The following RWDD1 variants were observed in gnomAD, a reference collection of about 807,000 sequenced individuals.
RWDD1 encodes RWD domain-containing protein 1.
RWDD1 carries 17 observed loss-of-function variants against 31.6 expected under a neutral mutation model. The ratio of observed to expected loss-of-function variants is 0.54; its 90% CI spans 0.37 to 0.81. The LOEUF is 0.81. Among genes scored for constraint, RWDD1 ranks in the 30% least tolerant of loss-of-function variants. RWDD1 has a pLI of 0.00. For synonymous variants in RWDD1, 78 were observed against 94.2 expected, an observed-to-expected ratio of 0.83 and a Z score of 0.99; for missense variants, 204 against 274.5, an observed-to-expected ratio of 0.74 and a Z score of 1.82.
intron 1 of RWDD1, among the ~76,000 whole-genome samples, chr6:116,578,200 A>G (rs1284461380): frequency 6.6e-6 from 1 of 152,228 alleles, no homozygotes; most frequent in Non-Finnish European, 1.5e-5. Context: ...GTGATAGTAT[A>G]TTTAATAGTT....
chr6:116,590,315 A>G lies in RWDD1; in HGVS notation c.458A>G (p.Asn153Ser). ...GTPVTIENFL[N>S]WKAKFDAELL... ...CCAGTTACAATTGAGAATTTCTTAA[A>G]TTGGAAAGCCAAGTTTGATGCAGAA... The change falls in exon 5 of 7, where the codon AAT becomes AGT. Residue 153 changes from asparagine to serine, a missense_variant. Asn to Ser is a conservative substitution (Grantham distance 46, BLOSUM62 1). Transcript: ENST00000466444. 1 of 1,598,422 alleles carries G rather than the reference A, an allele frequency of 6.3e-7. No homozygotes were observed. The highest frequency in any genetic ancestry group is 8.5e-7 in the Non-Finnish European group (1 of 1,174,868).
chr6:116,580,331 T>C lies in RWDD1; in HGVS notation c.110T>C (p.Val37Ala). Residue 37 changes from valine (V) to alanine (A), a missense_variant, in exon 2 of 7, where the codon GTG becomes GCG. Physicochemically the swap from Val to Ala is moderately conservative, Grantham distance 64. Transcript: ENST00000466444. ...SENPPSFTIT[V>A]TSEAGENDET... The stretch of plus-strand genomic sequence containing the variant: ...AATCCACCCAGCTTCACCATTACTG[T>C]GACGTCTGAGGCTGGAGAAAATGAT... 2 of 1,602,726 alleles carry C rather than the reference T, an allele frequency of 1.2e-6. No homozygotes were observed. Among genetic ancestry groups the C allele is most frequent in the Non-Finnish European group, 8.5e-7 (1 of 1,173,012 alleles).
At chr6:116,588,428 G>A (rs1775079659) in intron 3 of RWDD1, among the ~76,000 whole-genome samples, 1 of 151,938 alleles carries the variant, frequency 6.6e-6, no homozygotes, top group Admixed American at 6.6e-5. Flanking sequence ...AAGAAAAAAA[G>A]GTTGATATAG....
intron 4 of RWDD1, among the ~76,000 whole-genome samples, chr6:116,589,996 C>A (rs1775110088): frequency 6.6e-6 from 1 of 152,120 alleles, no homozygotes; most frequent in African/African-American, 2.4e-5. Flanking sequence ...TTCTTCTTAA[C>A]AATGAATAGC....
intron 1 of RWDD1, chr6:116,572,956 G>A: frequency 1.0e-6 from 1 of 985,552 alleles, no homozygotes; most frequent in Non-Finnish European, 1.2e-6. Context: ...GGGGATGAGT[G>A]AAGAGGGGTT....
intron 3 of RWDD1, among the ~76,000 whole-genome samples, chr6:116,585,757 C>T (rs564960785): frequency 5.3e-4 from 80 of 152,112 alleles, no homozygotes; most frequent in South Asian, 5.2e-3. Context: ...ACCTTGTTAC[C>T]TTGCATGAAG....
chr6:116,584,702 A>G (rs1775008393), intron 2 of RWDD1, 25 bp from the exon 3 acceptor site: 1 of 1,602,712 alleles, frequency 6.2e-7, no homozygotes, highest in Non-Finnish European at 8.5e-7. Flanking sequence ...AGGTATTCAC[A>G]TCAAACTCTT....
intron 2 of RWDD1, among the ~76,000 whole-genome samples, chr6:116,582,022 A>G (rs942415593): frequency 6.6e-6 from 1 of 152,024 alleles, no homozygotes; most frequent in African/African-American, 2.4e-5. Context: ...ATATATGAAT[A>G]TGTACATTTT....
rs986286663 is a variant in RWDD1 at position 116,573,059 on chromosome 6, C to T, written c.73+1404C>T. On this transcript the variant is annotated intron_variant, in intron 1 of 6. Transcript: ENST00000466444. The stretch of plus-strand genomic sequence containing the variant: ...GTATGTCTAAAATAGAATATAGGGT[C>T]AGTTGTTGGATATATTCTTAATCAT... 1.3e-5 allele frequency: 12 copies of T among 903,644 alleles called. No homozygotes were observed. In the South Asian group the frequency reaches 5.1e-4, roughly 38 times the overall value. The allele number at this position is 903,644 out of a possible 1,614,324, so 56.0% of individuals were successfully genotyped here.
At chr6:116,583,613 T>C (rs571656130) in intron 2 of RWDD1, among the ~76,000 whole-genome samples, 1 of 152,246 alleles carries the variant, frequency 6.6e-6, no homozygotes, top group Non-Finnish European at 1.5e-5. Context: ...TCACAATATA[T>C]ATGTATATCA....
intron 1 of RWDD1, 144 bp downstream of exon 1, chr6:116,571,799 C>T (rs1774742074): frequency 3.4e-6 from 2 of 581,394 alleles, no homozygotes; most frequent in Admixed American, 3.6e-5. Context: ...TCCTCAAGTT[C>T]TTCAGTCACT....
chr6:116,582,179 TTTG>T (rs1286729063), intron 2 of RWDD1, among the ~76,000 whole-genome samples: 3 of 151,748 alleles, frequency 2.0e-5, no homozygotes, highest in Non-Finnish European at 4.4e-5. Flanking sequence ...AATGGGATTA[TTTG>T]TTATTTTATT....
intron 6 of RWDD1, among the ~76,000 whole-genome samples, chr6:116,591,329 T>C (rs1168059609): frequency 6.6e-6 from 1 of 152,218 alleles, no homozygotes; most frequent in Admixed American, 6.5e-5. Flanking sequence ...ATATCAAAGA[T>C]AGAAGTAGAC....
intron 3 of RWDD1, among the ~76,000 whole-genome samples, chr6:116,587,602 T>C (rs7764302): frequency 0.42 from 63,434 of 151,934 alleles, 13,447 homozygotes; most frequent in East Asian, 0.56. Context: ...AGCAAGACAT[T>C]GACTAGATCA....
intron 1 of RWDD1, chr6:116,572,505 T>C (rs1774757346): frequency 6.6e-6 from 1 of 152,220 alleles, no homozygotes; most frequent in Admixed American, 6.5e-5. Flanking sequence ...TAAAATATTA[T>C]AATGAGAAGT....
intron 1 of RWDD1, chr6:116,574,258 A>T (rs1774795307): frequency 6.6e-6 from 1 of 152,344 alleles, no homozygotes; most frequent in South Asian, 2.1e-4. Flanking sequence ...GCATCAGGTT[A>T]ACCAAAAGCC....
Position 116,571,594 on chromosome 6 carries a change from C to T in RWDD1, c.12C>T (p.Tyr4=), listed in dbSNP as rs1179571199. The part of the protein sequence containing the change: MTD[Y]GEEQRNELEA... ...GAGCAAGGGCCACGATGACAGATTA[C>T]GGCGAGGAGCAGCGCAACGAGCTGG... The change falls in exon 1 of 7, where the codon TAC becomes TAT. Residue 4 remains tyrosine (Y), a synonymous_variant. Coordinates refer to ENST00000466444, the MANE Select transcript of RWDD1 (RefSeq NM_015952.4). 6.2e-7 allele frequency: 1 copy of T among 1,613,376 alleles called. No individual in the cohort carries two copies.
chr6:116,573,470 T>C (rs531363418), intron 1 of RWDD1, among the ~76,000 whole-genome samples: 7 of 152,332 alleles, frequency 4.6e-5, no homozygotes, highest in African/African-American at 1.4e-4. Context: ...AGCTTTGCAA[T>C]AAATAAATTA....
rs1322053852 is a variant in RWDD1 at position 116,594,113 on chromosome 6, A to C, written c.*1012A>C. 2.0e-5 allele frequency: 3 copies of C among 147,966 alleles called. No homozygotes were observed. The highest frequency in any genetic ancestry group is 3.0e-5 in the Non-Finnish European group (2 of 67,342). 9.2% of individuals were successfully genotyped at this position (147,966 alleles called of 1,614,324 possible). A position where few individuals can be genotyped will look rare whatever the true frequency, so the allele number is the denominator to read the frequency against. On this transcript the variant is annotated 3_prime_UTR_variant, in exon 7 of 7. Transcript: ENST00000466444. ...GCCAGAGAGTGAGGGTGGAAGTGCC[A>C]GGCTTTTTTTTTTTTTTTAAACTAG... is the stretch of plus-strand genomic sequence containing the variant.
Sources: gnomAD v4.1 joint callset for allele counts (sites outside exome capture counted in the v4.1 genomes callset) on GRCh38, gnomAD v4.1.1 for gene constraint, MANE v1.5 for transcripts, NCBI Gene and HGNC (gene_info 2026-07-23, HGNC 2026-07-21) for gene names.